M1AP: variants seen among roughly 807,000 people sequenced by gnomAD.
M1AP encodes meiosis 1 arrest protein.
Under a neutral mutation model 51.2 loss-of-function variants are expected in M1AP, and 39 were observed. The ratio of observed to expected loss-of-function variants is 0.76; its 90% CI spans 0.59 to 1.00. The LOEUF is 1.00. M1AP is among the 50% of genes least tolerant of loss of function. M1AP has a pLI of 0.00. For synonymous variants in M1AP, 251 were observed against 249.2 expected (o/e 1.01, Z -0.07); for missense variants, 545 against 641.2 (o/e 0.85, Z 1.62).
At chr2:74,589,712 C>G (rs1464219364) in intron 4 of M1AP, among the ~76,000 whole-genome samples, 1 of 152,170 alleles carries the variant, frequency 6.6e-6, no homozygotes, top group Non-Finnish European at 1.5e-5. Flanking sequence ...AGTGGACATG[C>G]CTCTTTCCCA....
chr2:74,607,900 C>CTATTAT (rs752623960), intron 3 of M1AP, among the ~76,000 whole-genome samples: 2 of 151,908 alleles, frequency 1.3e-5, no homozygotes, highest in Non-Finnish European at 2.9e-5. Flanking sequence ...GATTAAAGCA[C>CTATTAT]TATTATTATT....
At chr2:74,631,610 T>C (rs1375582007) in intron 2 of M1AP, among the ~76,000 whole-genome samples, 2 of 152,220 alleles carry the variant, frequency 1.3e-5, no homozygotes, top group African/African-American at 4.8e-5. Flanking sequence ...TAATATCTCA[T>C]TGTAGATTAT....
At chr2:74,635,989 A>G (rs1042226773) in intron 2 of M1AP, among the ~76,000 whole-genome samples, 8 of 152,080 alleles carry the variant, frequency 5.3e-5, no homozygotes, top group African/African-American at 1.7e-4. Flanking sequence ...ATAAATGTCA[A>G]TTAGATCCTG....
In M1AP at chr2:74,560,310, G is replaced by T. The variant is rs1288626346; in HGVS notation, c.1282-19C>A. 1 of 1,569,918 alleles carries T rather than the reference G, an allele frequency of 6.4e-7. No homozygotes were observed. The highest frequency in any genetic ancestry group is 1.2e-5 in the South Asian group (1 of 84,634). ...GCATGCTCTGAGGAAAAGAGAGGAGGGGCCTCACTAGGGAACTTAAGATCA... is the reference window on the plus strand; with the variant it reads ...GCATGCTCTGAGGAAAAGAGAGGAGTGGCCTCACTAGGGAACTTAAGATCA... On this transcript the variant is annotated intron_variant, in intron 8 of 10. Coordinates refer to ENST00000421985, the MANE Select transcript of M1AP (RefSeq NM_001321739.2).
intron 4 of M1AP, among the ~76,000 whole-genome samples, chr2:74,597,108 A>G (rs1006964767): frequency 6.6e-6 from 1 of 152,234 alleles, no homozygotes; most frequent in African/African-American, 2.4e-5. Flanking sequence ...TGGTATGTAA[A>G]TTATTCCCCA....
intron 7 of M1AP, among the ~76,000 whole-genome samples, chr2:74,563,119 A>T (rs1274472489): frequency 6.6e-6 from 1 of 152,144 alleles, no homozygotes; most frequent in Non-Finnish European, 1.5e-5. Context: ...GGTGGCTCAC[A>T]TCTGTAATCC....
At position 74,594,448 on chromosome 2, in the gene M1AP, CTT is replaced by C. The variant is rs368437839; in HGVS notation, c.596-12603_596-12602del. Reference sequence around the variant, plus strand: ...CCAACCAAGCAAAAAGTCACAGAGTCTTGGGCTGTGCAGAACAATTTAAAAAG... The same window carrying C: ...CCAACCAAGCAAAAAGTCACAGAGTCGGGCTGTGCAGAACAATTTAAAAAG... On this transcript the variant is annotated intron_variant, in intron 4 of 10. Transcript: ENST00000421985. 1.6e-4 allele frequency among the ~76,000 whole-genome samples: 25 copies of C among 152,214 alleles called. No individual in the cohort carries two copies. The East Asian group carries it at 4.2e-3, about 26-fold the overall frequency.
At chr2:74,611,933 G>A (rs1241142399) in intron 3 of M1AP, among the ~76,000 whole-genome samples, 4 of 98,494 alleles carry the variant, frequency 4.1e-5, no homozygotes, top group Admixed American at 1.7e-4. Context: ...TCACTCTGTC[G>A]CCCAGGCAGG....
intron 1 of M1AP, among the ~76,000 whole-genome samples, chr2:74,641,798 T>A (rs1683313457): frequency 6.6e-6 from 1 of 151,556 alleles, no homozygotes; most frequent in Non-Finnish European, 1.5e-5. Flanking sequence ...CTTAAACAAA[T>A]TATTTTAAGA....
At chr2:74,604,364 G>T (rs1414122099) in intron 4 of M1AP, among the ~76,000 whole-genome samples, 1 of 152,116 alleles carries the variant, frequency 6.6e-6, no homozygotes, top group Non-Finnish European at 1.5e-5. Flanking sequence ...ATGACGGGCT[G>T]GTTTCATGGA....
intron 2 of M1AP, among the ~76,000 whole-genome samples, chr2:74,637,202 CTTTT>C (rs1007539727): frequency 2.2e-4 from 34 of 152,212 alleles, no homozygotes; most frequent in African/African-American, 7.7e-4. Flanking sequence ...GCTCACTAAT[CTTTT>C]CTTTTGTAAT....
chr2:74,643,842 C>T (rs1051823971), intron 1 of M1AP, among the ~76,000 whole-genome samples: 1 of 152,142 alleles, frequency 6.6e-6, no homozygotes, highest in African/African-American at 2.4e-5. Context: ...GCAATCCTCC[C>T]ACCTTGGCCT....
At chr2:74,602,754 C>T (rs998827746) in intron 4 of M1AP, among the ~76,000 whole-genome samples, 1 of 152,086 alleles carries the variant, frequency 6.6e-6, no homozygotes, top group Non-Finnish European at 1.5e-5. Flanking sequence ...ACTTAACCCA[C>T]AAAGAGGAAT....
At position 74,576,838 on chromosome 2, in the gene M1AP, T is replaced by G; in HGVS notation, c.770-220A>C. 3 of 1,321,654 alleles carry G rather than the reference T, an allele frequency of 2.3e-6. No individual in the cohort carries two copies. The South Asian group carries it at 5.2e-5, about 23-fold the overall frequency. 81.9% of individuals were successfully genotyped at this position (1,321,654 alleles called of 1,614,324 possible). ...CTGGAAGCTATAGTATCTCTATCGCTCTACATAAAAGTTAACTTATCTTCA... is the reference window on the plus strand; with the variant it reads ...CTGGAAGCTATAGTATCTCTATCGCGCTACATAAAAGTTAACTTATCTTCA... On this transcript the variant is annotated intron_variant, in intron 5 of 10. Coordinates refer to ENST00000421985, the MANE Select transcript of M1AP (RefSeq NM_001321739.2).
At chr2:74,615,667 T>A (rs1681625086) in intron 2 of M1AP, 1 of 154,848 alleles carries the variant, frequency 6.5e-6, no homozygotes, top group African/African-American at 2.4e-5. Flanking sequence ...ATATTTGGGT[T>A]AGTCTGCAGT....
rs373174038 is a variant in M1AP at position 74,581,797 on chromosome 2, T to C, written c.646A>G (p.Ile216Val). The stretch of plus-strand genomic sequence containing the variant: ...TTGAAGAAAATCTCCATGCTGACGA[T>C]ATCATTGTCTATAGTCTGAAGGTCA... ...DIDLQTIDND[I>V]VSMEIFFKAW... Residue 216 changes from isoleucine (I) to valine (V), a missense_variant, in exon 5 of 11, where the codon ATC becomes GTC. Ile to Val is a conservative substitution (Grantham distance 29). Coordinates refer to ENST00000421985, the MANE Select transcript of M1AP (RefSeq NM_001321739.2). 5.6e-6 allele frequency: 9 copies of C among 1,613,942 alleles called. No individual in the cohort carries two copies. The Middle Eastern group carries it at 8.2e-4, about 147-fold the overall frequency.
intron 2 of M1AP, among the ~76,000 whole-genome samples, chr2:74,617,268 T>C (rs1467624613): frequency 6.6e-6 from 1 of 152,190 alleles, no homozygotes; most frequent in Admixed American, 6.5e-5. Context: ...GCCTTACTTC[T>C]CAGTGATCAG....
intron 3 of M1AP, among the ~76,000 whole-genome samples, chr2:74,612,668 TC>T (rs1681436737): frequency 6.6e-6 from 1 of 152,152 alleles, no homozygotes; most frequent in Admixed American, 6.5e-5. Flanking sequence ...TAAACTTCCC[TC>T]TTTTGCTCTA....
rs567307320 is a variant in M1AP, at chr2:74,594,529, C to T, written c.595+12526G>A. 5.3e-5 allele frequency among the ~76,000 whole-genome samples: 8 copies of T among 151,722 alleles called. 1 individual carries two copies. In the East Asian group the frequency reaches 5.8e-4, roughly 11 times the overall value. On this transcript the variant is annotated intron_variant, in intron 4 of 10. Coordinates refer to ENST00000421985, the MANE Select transcript of M1AP (RefSeq NM_001321739.2). ...GAAAGATAGAGAGAAAGAATGAGGC[C>T]GAAAAAATATTTAAAAAAAATGGCA... is the stretch of plus-strand genomic sequence containing the variant.
Sources: allele counts gnomAD v4.1 joint callset (sites outside exome capture counted in the v4.1 genomes callset), GRCh38; gene constraint gnomAD v4.1.1; transcripts MANE v1.5; gene names NCBI Gene and HGNC (gene_info 2026-07-23, HGNC 2026-07-21).